The following POU2F2 variants were observed in gnomAD, a reference collection of about 807,000 sequenced individuals.
POU2F2 encodes POU domain, class 2, transcription factor 2.
In POU2F2, 14 loss-of-function variants were observed where a neutral mutation model predicts 63.5. That is an observed-to-expected ratio of 0.22 (90% CI 0.15 to 0.34). POU2F2 has a LOEUF of 0.34. Among genes scored for constraint, POU2F2 ranks in the 10% least tolerant of loss-of-function variants. The probability of loss-of-function intolerance (pLI) is 1.00; values close to 1 mark genes in which losing one functional copy is unlikely to be tolerated. For missense variants in POU2F2, 607 were observed against 815.2 expected (o/e 0.74, Z 3.11); for synonymous variants, 306 against 348.6 (o/e 0.88, Z 1.36).
At chr19:42,192,604 C>G (rs1253484295) in intron 1 of POU2F2, among the ~76,000 whole-genome samples, 1 of 152,020 alleles carries the variant, frequency 6.6e-6, no homozygotes, top group Non-Finnish European at 1.5e-5. Flanking sequence ...TCTTTTAAAC[C>G]TCTTATTCAA....
intron 5 of POU2F2, among the ~76,000 whole-genome samples, chr19:42,111,744 C>T (rs1269604565): frequency 1.3e-5 from 2 of 152,190 alleles, no homozygotes; most frequent in Non-Finnish European, 2.9e-5. Flanking sequence ...TCAAGCCACC[C>T]TCATGTCCCA....
chr19:42,186,727 C>A (rs1019727260), intron 1 of POU2F2, among the ~76,000 whole-genome samples: 2 of 151,970 alleles, frequency 1.3e-5, no homozygotes, highest in Admixed American at 6.6e-5. Flanking sequence ...AAGGAGGCAA[C>A]AGGTTTAAAA....
intron 1 of POU2F2, among the ~76,000 whole-genome samples, chr19:42,173,616 C>A (rs1013180389): frequency 1.3e-5 from 2 of 151,138 alleles, no homozygotes; most frequent in Non-Finnish European, 2.9e-5. Context: ...AGGCTAACAA[C>A]CTCTACACAC....
chr19:42,196,809 T>A (rs899366188), upstream of POU2F2, among the ~76,000 whole-genome samples: 1 of 152,266 alleles, frequency 6.6e-6, no homozygotes, highest in African/African-American at 2.4e-5. Context: ...TCCCGCCAAG[T>A]GCACTGCGCC....
chr19:42,190,367 C>G (rs2035062769), intron 1 of POU2F2, among the ~76,000 whole-genome samples: 1 of 151,816 alleles, frequency 6.6e-6, no homozygotes, highest in African/African-American at 2.4e-5. Flanking sequence ...GTCCATTTGC[C>G]TCAATTTTAT....
chr19:42,195,083 GAGGA>G (rs1395660728), intron 1 of POU2F2, among the ~76,000 whole-genome samples: 91 of 11,540 alleles, frequency 7.9e-3, no homozygotes, highest in Admixed American at 0.018. Context: ...GGAAGGGAGG[GAGGA>G]AGGGAGGAAG....
chr19:42,125,276 C>T (rs887176187), intron 1 of POU2F2, among the ~76,000 whole-genome samples: 6 of 151,268 alleles, frequency 4.0e-5, no homozygotes, highest in African/African-American at 4.9e-5. Flanking sequence ...ATGGGAAGGT[C>T]GCTCGAGCCC....
chr19:42,088,671 C>T lies in POU2F2; in HGVS notation c.*2586G>A, dbSNP rs1170096502. 6.6e-6 allele frequency: 1 copy of T among 152,542 alleles called. No individual in the cohort carries two copies. Among genetic ancestry groups the T allele is most frequent in the Non-Finnish European group, 1.5e-5 (1 of 68,024 alleles). 9.4% of individuals were successfully genotyped at this position (152,542 alleles called of 1,614,324 possible). Reference sequence around the variant, plus strand: ...TGGTCAGGAGCCCTTGGCCCCCTCTCCACCCTTGGGCTGGGGCCCAAGCCC... The same window carrying T: ...TGGTCAGGAGCCCTTGGCCCCCTCTTCACCCTTGGGCTGGGGCCCAAGCCC... On this transcript the variant is annotated 3_prime_UTR_variant, in exon 15 of 15. Transcript: ENST00000692977.
At chr19:42,158,952 C>T (rs1400041268) in intron 2 of POU2F2, among the ~76,000 whole-genome samples, 2 of 152,184 alleles carry the variant, frequency 1.3e-5, no homozygotes, top group African/African-American at 2.4e-5. Context: ...AGAAATGACA[C>T]ATCCTGGAAC....
Position 42,089,976 on chromosome 19 carries a change from T to C in POU2F2, c.*1281A>G, listed in dbSNP as rs1328693662. The C allele has an allele frequency of 1.3e-5, 2 of 152,072 alleles. No homozygotes were observed. Among genetic ancestry groups the C allele is most frequent in the Admixed American group, 1.3e-4 (2 of 15,238 alleles). 9.4% of individuals were successfully genotyped at this position (152,072 alleles called of 1,614,324 possible). On this transcript the variant is annotated 3_prime_UTR_variant, in exon 15 of 15. Coordinates refer to ENST00000692977, the MANE Select transcript of POU2F2 (RefSeq NM_001394376.1). ...GTGGCCACCACCGCGCCCTCTCAGA[T>C]GGGGACCACAGGCTGTGGCACTGTC...
intron 5 of POU2F2, among the ~76,000 whole-genome samples, chr19:42,104,242 A>C (rs1448458948): frequency 6.6e-6 from 1 of 152,164 alleles, no homozygotes; most frequent in Non-Finnish European, 1.5e-5. Context: ...GTGTGGGGAA[A>C]CACACATTCT....
chr19:42,093,159 C>A (rs369776918), intron 12 of POU2F2, among the ~76,000 whole-genome samples: 3 of 151,330 alleles, frequency 2.0e-5, no homozygotes, highest in Non-Finnish European at 2.9e-5. Context: ...TACAGACACA[C>A]GCCACCACGC....
rs188984758 is a variant in POU2F2, at chr19:42,090,898, C to T, written c.*359G>A. 468 of 174,608 alleles carry T rather than the reference C, an allele frequency of 2.7e-3. 4 individuals are homozygous for T. The highest frequency in any genetic ancestry group is 0.011 in the African/African-American group (443 of 41,916). 10.8% of individuals were successfully genotyped at this position (174,608 alleles called of 1,614,324 possible). ...GCCCCTGGCTGGGGTTTTTATTTGG[C>T]GTCGTAGCAGTGAGGGTGAGCACGC... On this transcript the variant is annotated 3_prime_UTR_variant, in exon 15 of 15. Coordinates refer to ENST00000692977, the MANE Select transcript of POU2F2 (RefSeq NM_001394376.1). This position sits in a 1 kb window ranked among gnomAD's most constrained non-coding sequence, Gnocchi z 4.4.
chr19:42,181,398 G>A (rs144064399), intron 1 of POU2F2, among the ~76,000 whole-genome samples: 136 of 152,302 alleles, frequency 8.9e-4, no homozygotes, highest in Admixed American at 2.3e-3. Flanking sequence ...TCTGGGTACA[G>A]GTGTGCATGT....
chr19:42,134,386 C>G (rs996438945), upstream of POU2F2: 1 of 152,256 alleles, frequency 6.6e-6, no homozygotes, highest in Non-Finnish European at 1.5e-5. Flanking sequence ...GTCCTGGAGC[C>G]GGGGAAGGCT....
intron 1 of POU2F2, among the ~76,000 whole-genome samples, chr19:42,182,575 G>C (rs1469694316): frequency 6.6e-6 from 1 of 152,178 alleles, no homozygotes; most frequent in Non-Finnish European, 1.5e-5. Flanking sequence ...ATGAAATTTA[G>C]AGGTTGCCCC....
intron 1 of POU2F2, among the ~76,000 whole-genome samples, chr19:42,167,370 C>G (rs1474069763): frequency 6.6e-6 from 1 of 151,942 alleles, no homozygotes; most frequent in Non-Finnish European, 1.5e-5. Flanking sequence ...ACAAGAATCG[C>G]TTGAACCTCA....
intron 5 of POU2F2, among the ~76,000 whole-genome samples, chr19:42,106,842 GAGGAGA>G (rs895216119): frequency 6.0e-4 from 91 of 151,554 alleles, no homozygotes; most frequent in Middle Eastern, 3.4e-3. Flanking sequence ...GGAGGAGCAG[GAGGAGA>G]AGGAGAAGGA....
upstream of POU2F2, among the ~76,000 whole-genome samples, chr19:42,136,220 T>A (rs2034009281): frequency 6.7e-6 from 1 of 149,148 alleles, no homozygotes; most frequent in Non-Finnish European, 1.5e-5. Flanking sequence ...TGTCTGGCTC[T>A]GTCACTCAGG....
Sources: allele counts gnomAD v4.1 joint callset (sites outside exome capture counted in the v4.1 genomes callset), GRCh38; gene constraint gnomAD v4.1.1; non-coding constraint Gnocchi (gnomAD v3.1); transcripts MANE v1.5; gene names NCBI Gene and HGNC (gene_info 2026-07-23, HGNC 2026-07-21).